The following IL1RAPL1 variants were observed in gnomAD, a reference collection of about 807,000 sequenced individuals.
IL1RAPL1 encodes the protein interleukin-1 receptor accessory protein-like 1.
A neutral mutation model predicts 48.4 loss-of-function variants in IL1RAPL1; 3 were observed. The ratio of observed to expected loss-of-function variants is 0.06; its 90% CI spans 0.03 to 0.16. The LOEUF is 0.16. IL1RAPL1 is among the 10% of genes least tolerant of loss of function. The pLI, the probability that IL1RAPL1 is intolerant of heterozygous loss-of-function variation, is 1.00. For synonymous variants in IL1RAPL1, 185 were observed against 187.7 expected (o/e 0.99, Z 0.12); for missense variants, 349 against 530.6 (o/e 0.66, Z 3.36).
intron 1 of IL1RAPL1, among the ~76,000 whole-genome samples, chrX:28,735,219 A>G (rs981207957): frequency 9.0e-6 from 1 of 111,510 alleles, no homozygotes; most frequent in Non-Finnish European, 1.9e-5. Flanking sequence ...TGTCTCTTCA[A>G]CTAGCTTGCC....
chrX:29,483,754 C>T lies in IL1RAPL1; in HGVS notation c.703+84446C>T, dbSNP rs753513822. Among the ~76,000 whole-genome samples, 9 of 108,649 alleles carry T rather than the reference C, an allele frequency of 8.3e-5. No homozygotes were observed. The East Asian group carries it at 2.3e-3, about 28-fold the overall frequency. The allele number at this position is 108,649 out of a possible 115,157, so 94.3% of individuals were successfully genotyped here. A position where few individuals can be genotyped will look rare whatever the true frequency, so the allele number is the denominator to read the frequency against. ...CTCAGCAGGCTGGAGTGCAGTGGCA[C>T]GATCTCAGCTCACTGCAACCTCTAC... is the stretch of plus-strand genomic sequence containing the variant. On this transcript the variant is annotated intron_variant, in intron 5 of 10. Transcript: ENST00000378993.
chrX:29,196,071 A>T (rs1419609748), intron 2 of IL1RAPL1, among the ~76,000 whole-genome samples: 2 of 112,346 alleles, frequency 1.8e-5, no homozygotes, highest in South Asian at 3.7e-4. Flanking sequence ...CACCATGATG[A>T]TTTTAAATTT....
Position 28,706,915 on chromosome X carries a change from G to A in IL1RAPL1, c.-24-82405G>A, listed in dbSNP as rs770809745. Among the ~76,000 whole-genome samples, 4 of 112,253 alleles carry A rather than the reference G, an allele frequency of 3.6e-5. No homozygotes were observed. The South Asian group carries it at 1.5e-3, about 41-fold the overall frequency. Reference sequence around the variant, plus strand: ...ATGTGAATCAGGATTGATAACACAAGTAAAAGTGAAAAGAAATGACTGTCT... The same window carrying A: ...ATGTGAATCAGGATTGATAACACAAATAAAAGTGAAAAGAAATGACTGTCT... On this transcript the variant is annotated intron_variant, in intron 1 of 10. Transcript: ENST00000378993.
chrX:28,792,154 A>G (rs1936545556), intron 2 of IL1RAPL1, among the ~76,000 whole-genome samples: 1 of 111,732 alleles, frequency 8.9e-6, no homozygotes, highest in Non-Finnish European at 1.9e-5. Context: ...AGGTCAGTAA[A>G]CATGACTCAA....
At chrX:28,609,628 TACACACACACAC>T (rs3078234) in intron 1 of IL1RAPL1, among the ~76,000 whole-genome samples, 2 of 89,426 alleles carry the variant, frequency 2.2e-5, no homozygotes, top group Non-Finnish European at 2.2e-5. Context: ...TGCATGTTCT[TACACACACACAC>T]ACACACACAC....
At chrX:29,717,311 A>G (rs1331834954) in intron 6 of IL1RAPL1, among the ~76,000 whole-genome samples, 1 of 110,861 alleles carries the variant, frequency 9.0e-6, no homozygotes, top group African/African-American at 3.3e-5. Context: ...TGACAATATT[A>G]TGAATGAGTA....
chrX:29,644,808 C>T (rs1285807773), intron 5 of IL1RAPL1, among the ~76,000 whole-genome samples: 1 of 112,492 alleles, frequency 8.9e-6, no homozygotes, highest in Admixed American at 9.4e-5. Flanking sequence ...CTCAAGCAAT[C>T]CTTCTGCCTT....
intron 6 of IL1RAPL1, among the ~76,000 whole-genome samples, chrX:29,783,291 C>T (rs1280880285): frequency 1.8e-5 from 2 of 110,665 alleles, no homozygotes; most frequent in Non-Finnish European, 1.9e-5. Flanking sequence ...AGTGGTTTTA[C>T]GGGAGGCTAT....
chrX:28,600,886 C>T (rs1934017157), intron 1 of IL1RAPL1, among the ~76,000 whole-genome samples: 1 of 111,799 alleles, frequency 8.9e-6, no homozygotes, highest in African/African-American at 3.3e-5. Flanking sequence ...ATATTAATTT[C>T]CTTCCTTAAT....
chrX:28,975,400 C>T (rs766570412), intron 2 of IL1RAPL1, among the ~76,000 whole-genome samples: 2 of 112,138 alleles, frequency 1.8e-5, no homozygotes, highest in Non-Finnish European at 1.9e-5. Context: ...TCACATTAAA[C>T]AATGTTGATC....
At chrX:29,404,465 C>T (rs1357248777) in intron 5 of IL1RAPL1, among the ~76,000 whole-genome samples, 1 of 110,750 alleles carries the variant, frequency 9.0e-6, no homozygotes, top group East Asian at 2.8e-4. Context: ...TAGTGATAGC[C>T]CTGGATATTC....
intron 5 of IL1RAPL1, among the ~76,000 whole-genome samples, chrX:29,535,458 G>C (rs1428151626): frequency 9.0e-6 from 1 of 111,677 alleles, no homozygotes; most frequent in Non-Finnish European, 1.9e-5. Context: ...TAGCACTAAA[G>C]GCTCTTTGTG....
intron 6 of IL1RAPL1, among the ~76,000 whole-genome samples, chrX:29,703,468 A>T: frequency 9.1e-6 from 1 of 109,987 alleles, no homozygotes; most frequent in Non-Finnish European, 1.9e-5. Context: ...TTAGCCTCCC[A>T]AGTAGCTGGG....
intron 6 of IL1RAPL1, among the ~76,000 whole-genome samples, chrX:29,680,406 T>G (rs1926415094): frequency 9.0e-6 from 1 of 111,220 alleles, no homozygotes; most frequent in Admixed American, 9.6e-5. Flanking sequence ...AAATCCTAAT[T>G]GGCCTAGAAT....
chrX:28,753,991 A>G (rs2188391), intron 1 of IL1RAPL1, among the ~76,000 whole-genome samples: 1 of 109,595 alleles, frequency 9.1e-6, no homozygotes, highest in Non-Finnish European at 1.9e-5. Context: ...CTTATTAACT[A>G]TTCTCAAGTA....
intron 5 of IL1RAPL1, among the ~76,000 whole-genome samples, chrX:29,490,954 A>C (rs5972239): frequency 0.49 from 53,249 of 108,190 alleles, 9,623 homozygotes; most frequent in East Asian, 0.71. Context: ...TAATTGTCAG[A>C]AGTTATAAAT....
chrX:28,646,751 T>C (rs1379296866), intron 1 of IL1RAPL1, among the ~76,000 whole-genome samples: 2 of 112,574 alleles, frequency 1.8e-5, no homozygotes, highest in Non-Finnish European at 3.7e-5. Flanking sequence ...AATTTCAATT[T>C]GTCACTAGCA....
At chrX:29,745,737 A>G (rs1168611690) in intron 6 of IL1RAPL1, among the ~76,000 whole-genome samples, 1 of 110,414 alleles carries the variant, frequency 9.1e-6, no homozygotes, top group Non-Finnish European at 1.9e-5. Flanking sequence ...ATGAGCCAAC[A>G]TGCCCAGCCC....
chrX:29,841,780 G>T (rs1005460483), intron 6 of IL1RAPL1, among the ~76,000 whole-genome samples: 26 of 111,731 alleles, frequency 2.3e-4, no homozygotes, highest in African/African-American at 8.4e-4. Context: ...AGCTGAGAAT[G>T]CAGAATGATG....
Sources: allele counts gnomAD v4.1 joint callset (sites outside exome capture counted in the v4.1 genomes callset), GRCh38; gene constraint gnomAD v4.1.1; transcripts MANE v1.5; gene names NCBI Gene and HGNC (gene_info 2026-07-23, HGNC 2026-07-21).